Variants in ANKRD44 observed in about 807,000 individuals in gnomAD.
ANKRD44 encodes the protein ankyrin repeat domain 44, also known as serine/threonine-protein phosphatase 6 regulatory ankyrin repeat subunit B.
A neutral mutation model predicts 116.0 loss-of-function variants in ANKRD44; 35 were observed. The ratio of observed to expected loss-of-function variants is 0.30; its 90% CI spans 0.23 to 0.40. ANKRD44 has a LOEUF of 0.40. Among genes scored for constraint, ANKRD44 ranks in the 10% least tolerant of loss-of-function variants. The pLI is 1.00. For missense variants in ANKRD44, 1,014 were observed against 1,242.6 expected (o/e 0.82, Z 2.77); for synonymous variants, 435 against 461.8 (o/e 0.94, Z 0.74).
intron 2 of ANKRD44, among the ~76,000 whole-genome samples, chr2:197,181,430 T>C (rs988226103): frequency 6.6e-6 from 1 of 152,222 alleles, no homozygotes; most frequent in Non-Finnish European, 1.5e-5. Flanking sequence ...ATAAACATCA[T>C]GGATTTGCTA....
chr2:197,152,314 C>T (rs1372891786), intron 2 of ANKRD44, among the ~76,000 whole-genome samples: 1 of 152,196 alleles, frequency 6.6e-6, no homozygotes, highest in Non-Finnish European at 1.5e-5. Context: ...AAAGCAGGTG[C>T]AGCAAGATTA....
At chr2:197,199,228 C>T (rs2081039099) in intron 1 of ANKRD44, 2 of 152,166 alleles carry the variant, frequency 1.3e-5, no homozygotes, top group African/African-American at 4.8e-5. Flanking sequence ...AAAAATGTAT[C>T]TTTACGTAAC....
chr2:197,303,976 A>G (rs975212647), intron 1 of ANKRD44, among the ~76,000 whole-genome samples: 11 of 152,298 alleles, frequency 7.2e-5, no homozygotes, highest in African/African-American at 2.6e-4. Flanking sequence ...CAAATAATAT[A>G]TTGGTTAAAA....
chr2:197,222,584 T>C (rs1319045891), intron 1 of ANKRD44, among the ~76,000 whole-genome samples: 1 of 152,096 alleles, frequency 6.6e-6, no homozygotes, highest in Non-Finnish European at 1.5e-5. Flanking sequence ...AGTCACAAAA[T>C]AAGGGTTCTG....
intron 4 of ANKRD44, among the ~76,000 whole-genome samples, chr2:197,131,573 A>G (rs574946904): frequency 1.3e-5 from 2 of 152,322 alleles, no homozygotes; most frequent in Admixed American, 1.3e-4. Context: ...AAGATAAGAT[A>G]CAACCATTTT....
At chr2:197,136,784 G>A in intron 3 of ANKRD44, 122 bp from the exon 4 acceptor site, 1 of 783,014 alleles carries the variant, frequency 1.3e-6, no homozygotes, top group Non-Finnish European at 2.2e-6. Flanking sequence ...TCTTTTCTTT[G>A]TATTAGTCAT....
At chr2:197,178,955 C>G (rs1203245755) in intron 2 of ANKRD44, among the ~76,000 whole-genome samples, 1 of 152,072 alleles carries the variant, frequency 6.6e-6, no homozygotes. Flanking sequence ...CCTGTAATCC[C>G]AAAACTTTGG....
intron 1 of ANKRD44, among the ~76,000 whole-genome samples, chr2:197,278,870 T>C (rs2083182189): frequency 6.6e-6 from 1 of 152,184 alleles, no homozygotes; most frequent in Non-Finnish European, 1.5e-5. Context: ...AAACAGGCGG[T>C]GTGGTCTGGA....
chr2:197,177,149 C>T (rs973711013), intron 2 of ANKRD44, among the ~76,000 whole-genome samples: 12 of 152,172 alleles, frequency 7.9e-5, no homozygotes, highest in Middle Eastern at 3.4e-3. Context: ...ACTTTTGAAA[C>T]GTAAGAGTTA....
chr2:197,177,864 C>T (rs909929323), intron 2 of ANKRD44, among the ~76,000 whole-genome samples: 1 of 152,142 alleles, frequency 6.6e-6, no homozygotes, highest in African/African-American at 2.4e-5. Flanking sequence ...GTAATAAATA[C>T]ATATGCAGAT....
At chr2:197,274,272 G>C (rs957685306) in intron 1 of ANKRD44, among the ~76,000 whole-genome samples, 14 of 151,992 alleles carry the variant, frequency 9.2e-5, no homozygotes, top group African/African-American at 3.1e-4. Context: ...TCTATAAAAT[G>C]GGAATGATAA....
Position 197,125,861 on chromosome 2 carries a change from A to G in ANKRD44, c.438T>C (p.His146=), listed in dbSNP as rs775050777. 9 of 1,614,028 alleles carry G rather than the reference A, an allele frequency of 5.6e-6. No individual in the cohort carries two copies. Among genetic ancestry groups the G allele is most frequent in the Middle Eastern group, 1.7e-4 (1 of 6,028 alleles). ...CCTCCACGTGGCCGTTCAGAGCCGCATGGTGCAAGGCTGTGCGCCCCCCTC... is the reference window on the plus strand; with the variant it reads ...CCTCCACGTGGCCGTTCAGAGCCGCGTGGTGCAAGGCTGTGCGCCCCCCTC... ...SDRGGRTALH[H]AALNGHVEMV... is the part of the protein sequence containing the mutation. The change falls in exon 5 of 28, where the codon CAT becomes CAC. Residue 146 remains histidine, a synonymous_variant. Transcript: ENST00000282272.
At chr2:197,158,093 C>T (rs967070811) in intron 2 of ANKRD44, among the ~76,000 whole-genome samples, 2 of 152,202 alleles carry the variant, frequency 1.3e-5, no homozygotes, top group African/African-American at 4.8e-5. Flanking sequence ...CTGGCCAAGA[C>T]GCTGTGCTTT....
chr2:196,974,963 T>G (rs2075746813), intron 21 of ANKRD44, among the ~76,000 whole-genome samples: 1 of 151,468 alleles, frequency 6.6e-6, no homozygotes, highest in South Asian at 2.1e-4. Context: ...TAATAAAGAT[T>G]AATTACAAAT....
rs1456098208 is a variant in ANKRD44 at position 197,005,720 on chromosome 2, G to A, written c.2321C>T (p.Thr774Met). ...DCCFKDNQGY[T>M]PLHWACYNGN... is the part of the protein sequence containing the mutation. ...ATTGTAACAAGCCCAGTGCAGCGGCGTGTAGCCTTGGTTATCTTTGAAACA... is the reference window on the plus strand; with the variant it reads ...ATTGTAACAAGCCCAGTGCAGCGGCATGTAGCCTTGGTTATCTTTGAAACA... Residue 774 changes from threonine (T) to methionine (M), a missense_variant, in exon 21 of 28, where the codon ACG (threonine) becomes ATG (methionine). Thr to Met is a moderately conservative substitution (Grantham distance 81). Coordinates refer to ENST00000282272, the MANE Select transcript of ANKRD44 (RefSeq NM_001195144.2). The A allele has an allele frequency of 5.0e-6, 8 of 1,614,214 alleles. No individual in the cohort carries two copies. The highest frequency in any genetic ancestry group is 2.2e-5 in the South Asian group (2 of 91,084).
At chr2:197,273,960 CAAAAAAAA>C (rs1158937486) in intron 1 of ANKRD44, among the ~76,000 whole-genome samples, 47 of 9,308 alleles carry the variant, frequency 5.0e-3, no homozygotes, top group Non-Finnish European at 7.4e-3. Context: ...CAACCAACCA[CAAAAAAAA>C]AAAAAAAAAA....
chr2:197,111,173 G>C (rs1425939017), intron 8 of ANKRD44, among the ~76,000 whole-genome samples: 1 of 152,174 alleles, frequency 6.6e-6, no homozygotes, highest in Admixed American at 6.5e-5. Context: ...AAAGCTTAGA[G>C]AAACAGTTAT....
At chr2:197,276,537 C>T (rs1326945875) in intron 1 of ANKRD44, among the ~76,000 whole-genome samples, 1 of 152,004 alleles carries the variant, frequency 6.6e-6, no homozygotes, top group South Asian at 2.1e-4. Flanking sequence ...TTCTTAAATA[C>T]AAACTGATTT....
At chr2:197,103,182 T>C (rs553136659) in intron 9 of ANKRD44, among the ~76,000 whole-genome samples, 27 of 147,458 alleles carry the variant, frequency 1.8e-4, no homozygotes, top group African/African-American at 7.0e-4. Context: ...GAGCCAAGAT[T>C]ACGCCACTGC....
Sources: allele counts gnomAD v4.1 joint callset (sites outside exome capture counted in the v4.1 genomes callset), GRCh38; gene constraint gnomAD v4.1.1; transcripts MANE v1.5; gene names NCBI Gene and HGNC (gene_info 2026-07-23, HGNC 2026-07-21).